UNC13B: variants seen among roughly 807,000 people sequenced by gnomAD.
UNC13B encodes unc-13 homolog B, also known as protein unc-13 homolog B.
In UNC13B, 144 loss-of-function variants were observed where a neutral mutation model predicts 211.0. The ratio of observed to expected loss-of-function variants is 0.68; its 90% CI spans 0.60 to 0.78. The LOEUF is 0.78. Among genes scored for constraint, UNC13B ranks in the 30% least tolerant of loss-of-function variants. The pLI, the probability that UNC13B is intolerant of heterozygous loss-of-function variation, is 0.00. For synonymous variants in UNC13B, 709 were observed against 725.8 expected, an observed-to-expected ratio of 0.98 and a Z score of 0.37; for missense variants, 1,777 against 2,002.0, an observed-to-expected ratio of 0.89 and a Z score of 2.14.
intron 6 of UNC13B, among the ~76,000 whole-genome samples, chr9:35,258,079 C>A (rs1247861595): frequency 5.9e-5 from 9 of 152,206 alleles, no homozygotes; most frequent in African/African-American, 2.2e-4. Flanking sequence ...GTAGTGGATA[C>A]TCAATCAATA....
rs1443717627 is a variant in UNC13B, at chr9:35,300,527, A to G, written c.1123A>G (p.Ser375Gly). 2 of 398,894 alleles carry G rather than the reference A, an allele frequency of 5.0e-6. No individual in the cohort carries two copies. The highest frequency in any genetic ancestry group is 7.1e-5 in the East Asian group (2 of 28,080). The allele number at this position is 398,894 out of a possible 1,614,324, so 24.7% of individuals were successfully genotyped here. ...ATTAGATATTCTTGAAGATTCTACTAGTAGTACTTCTGATGAACTTCTGGG... is the reference window on the plus strand; with the variant it reads ...ATTAGATATTCTTGAAGATTCTACTGGTAGTACTTCTGATGAACTTCTGGG... Reference protein sequence around the residue: ...TSLDILEDSTSSTSDELLGSP... With the variant: ...TSLDILEDSTGSTSDELLGSP... The change falls in exon 9 of 40, where the codon AGT becomes GGT. Residue 375 changes from serine to glycine, a missense_variant. Transcript: ENST00000635942.
At chr9:35,212,994 A>G (rs750674462) in intron 1 of UNC13B, among the ~76,000 whole-genome samples, 23 of 152,212 alleles carry the variant, frequency 1.5e-4, no homozygotes, top group Non-Finnish European at 2.6e-4. Flanking sequence ...CTCACCTGCA[A>G]AATGGGGAAA....
chr9:35,351,663 TA>T (rs1046123984), intron 11 of UNC13B: 1 of 1,232,134 alleles, frequency 8.1e-7, no homozygotes, highest in African/African-American at 1.6e-5. Context: ...GCTGGATCCT[TA>T]CCAGAGGACA....
intron 6 of UNC13B, 41 bp downstream of exon 6, chr9:35,243,405 A>T (rs1244106338): frequency 6.2e-7 from 1 of 1,603,210 alleles, no homozygotes; most frequent in East Asian, 2.2e-5. Flanking sequence ...GATGGGGGAA[A>T]ATCTCCAATG....
chr9:35,350,361 A>G (rs1832637489), intron 11 of UNC13B, among the ~76,000 whole-genome samples: 1 of 152,178 alleles, frequency 6.6e-6, no homozygotes, highest in Non-Finnish European at 1.5e-5. Flanking sequence ...CCCATGTGAT[A>G]TTCTCTCTGG....
chr9:35,340,340 T>G (rs536109935), intron 11 of UNC13B, among the ~76,000 whole-genome samples: 24 of 152,274 alleles, frequency 1.6e-4, no homozygotes, highest in Middle Eastern at 3.4e-3. Flanking sequence ...TTTTCTTCCT[T>G]GGTTGAGGGG....
chr9:35,176,724 C>T (rs959429495), intron 1 of UNC13B, among the ~76,000 whole-genome samples: 4 of 151,980 alleles, frequency 2.6e-5, no homozygotes, highest in Non-Finnish European at 4.4e-5. Flanking sequence ...TATAAAATTA[C>T]GAGTAGGAAA....
intron 5 of UNC13B, among the ~76,000 whole-genome samples, chr9:35,238,553 CT>C (rs34593751): frequency 2.7e-3 from 388 of 142,766 alleles, no homozygotes; most frequent in African/African-American, 5.6e-3. Context: ...CATAATTTAT[CT>C]TTTTTTTTTT....
intron 21 of UNC13B, 85 bp from the exon 22 acceptor site, chr9:35,384,161 A>T (rs1554713556): frequency 1.3e-6 from 2 of 1,588,372 alleles, no homozygotes; most frequent in Non-Finnish European, 8.6e-7. Context: ...CTACTCATCC[A>T]GGGGTGGTTC....
intron 1 of UNC13B, among the ~76,000 whole-genome samples, chr9:35,191,765 G>A (rs1239904822): frequency 4.6e-5 from 7 of 152,152 alleles, no homozygotes; most frequent in Admixed American, 3.9e-4. Context: ...GTGGTTACAC[G>A]TCATGTTTCC....
intron 11 of UNC13B, among the ~76,000 whole-genome samples, chr9:35,348,139 G>A (rs909969559): frequency 6.6e-6 from 1 of 152,170 alleles, no homozygotes; most frequent in Admixed American, 6.5e-5. Context: ...GATCTGAGGG[G>A]CAGAAGCAGA....
intron 11 of UNC13B, among the ~76,000 whole-genome samples, chr9:35,318,681 G>T (rs1232713989): frequency 6.6e-6 from 1 of 152,084 alleles, no homozygotes; most frequent in African/African-American, 2.4e-5. Context: ...TTAGTCCTTT[G>T]TTGATGTTCA....
rs1835885970 is a variant in UNC13B, at chr9:35,396,497, G to A, written c.11330G>A (p.Cys3777Tyr). Residue 3777 changes from cysteine (C) to tyrosine (Y), a missense_variant, in exon 27 of 40, where the codon TGT becomes TAT. Physicochemically the swap from Cys to Tyr is radical, Grantham distance 194. Transcript: ENST00000635942. ...CTAGAGCATGAGAAAGACCACCTGT[G>A]TAAAAGTGCTGACTACATGAACCTG... ...ALEEHEKDHL[C>Y]KSADYMNLHF... 1.2e-6 allele frequency: 2 copies of A among 1,614,050 alleles called. No individual in the cohort carries two copies. The highest frequency in any genetic ancestry group is 1.1e-5 in the South Asian group (1 of 91,086).
chr9:35,267,559 G>A (rs1219007570), intron 7 of UNC13B, among the ~76,000 whole-genome samples: 2 of 152,218 alleles, frequency 1.3e-5, no homozygotes, highest in East Asian at 1.9e-4. Context: ...GCAAGACTTA[G>A]GTTGAGACTG....
chr9:35,363,858 G>C (rs1167769443), intron 11 of UNC13B, among the ~76,000 whole-genome samples: 1 of 152,146 alleles, frequency 6.6e-6, no homozygotes, highest in Non-Finnish European at 1.5e-5. Flanking sequence ...TAAATAATCA[G>C]ATTTGGGATT....
chr9:35,198,726 A>G (rs1240890543), intron 1 of UNC13B, among the ~76,000 whole-genome samples: 1 of 152,120 alleles, frequency 6.6e-6, no homozygotes, highest in Non-Finnish European at 1.5e-5. Context: ...AGTGATATGG[A>G]CAGTGAAGGC....
rs1294286775 is a variant in UNC13B, at chr9:35,271,631, A to G, written c.526+12581A>G. Among the ~76,000 whole-genome samples, 3 of 152,176 alleles carry G rather than the reference A, an allele frequency of 2.0e-5. No homozygotes were observed. The East Asian group carries it at 5.8e-4, about 29-fold the overall frequency. On this transcript the variant is annotated intron_variant, in intron 7 of 39. Coordinates refer to ENST00000635942, the MANE Select transcript of UNC13B (RefSeq NM_001371189.2). ...CACTTCACTCTTCAATAAGGATAAT[A>G]TTTCTACCTATATCTTGTCAAAGAA... is the stretch of plus-strand genomic sequence containing the variant.
chr9:35,276,857 A>G (rs1164799152), intron 7 of UNC13B, among the ~76,000 whole-genome samples: 1 of 152,208 alleles, frequency 6.6e-6, no homozygotes, highest in African/African-American at 2.4e-5. Flanking sequence ...CACAAAGGCC[A>G]AATTGTTCTT....
chr9:35,352,079 C>A (rs1832751148), intron 11 of UNC13B: 1 of 1,231,942 alleles, frequency 8.1e-7, no homozygotes, highest in South Asian at 4.1e-5. Context: ...AGACTCAGTA[C>A]TGAGTGAAAT....
Sources: gnomAD v4.1 joint callset for allele counts (sites outside exome capture counted in the v4.1 genomes callset) on GRCh38, gnomAD v4.1.1 for gene constraint, MANE v1.5 for transcripts, NCBI Gene and HGNC (gene_info 2026-07-23, HGNC 2026-07-21) for gene names.